Variants in MACROD2 observed in about 807,000 individuals in gnomAD.
The protein encoded by MACROD2 is ADP-ribose glycohydrolase MACROD2.
In MACROD2, 36 loss-of-function variants were observed where a neutral mutation model predicts 70.4. The observed-to-expected ratio is 0.51, with a 90% CI of 0.39 to 0.68. The LOEUF (loss-of-function observed/expected upper bound fraction) is 0.68, where lower values mean the gene tolerates loss of function less well. MACROD2 is among the 30% of genes least tolerant of loss of function. MACROD2 has a pLI of 0.00. For missense variants in MACROD2, 496 were observed against 538.4 expected (o/e 0.92, Z 0.78); for synonymous variants, 172 against 178.8 (o/e 0.96, Z 0.30).
intron 15 of MACROD2, among the ~76,000 whole-genome samples, chr20:16,003,695 G>C (rs2066746922): frequency 6.6e-6 from 1 of 152,128 alleles, no homozygotes. Context: ...TTTAGAGACA[G>C]AGTCTCACTC....
chr20:14,703,508 G>A (rs963152964), intron 5 of MACROD2, among the ~76,000 whole-genome samples: 12 of 152,146 alleles, frequency 7.9e-5, no homozygotes, highest in Non-Finnish European at 1.3e-4. Flanking sequence ...CAAGAGACTT[G>A]GATTTTCTCT....
chr20:15,771,933 C>A (rs1454504346), intron 8 of MACROD2, among the ~76,000 whole-genome samples: 3 of 150,502 alleles, frequency 2.0e-5, no homozygotes, highest in Non-Finnish European at 3.0e-5. Flanking sequence ...AAAATACAAA[C>A]AATTAGCCGG....
intron 8 of MACROD2, among the ~76,000 whole-genome samples, chr20:15,690,479 T>G (rs927049212): frequency 2.6e-5 from 4 of 152,104 alleles, no homozygotes; most frequent in African/African-American, 4.8e-5. Context: ...AAGTTGGCAT[T>G]TGGATATAGG....
At chr20:15,347,599 C>T (rs2078180695) in intron 6 of MACROD2, among the ~76,000 whole-genome samples, 1 of 152,272 alleles carries the variant, frequency 6.6e-6, no homozygotes, top group South Asian at 2.1e-4. Context: ...AAATTGTAAG[C>T]CATTCCTTCA....
intron 3 of MACROD2, among the ~76,000 whole-genome samples, chr20:14,207,422 C>T (rs913022607): frequency 3.3e-5 from 5 of 152,076 alleles, no homozygotes; most frequent in South Asian, 4.2e-4. Context: ...TCTTGACTGA[C>T]GAGGGAAGAA....
intron 3 of MACROD2, among the ~76,000 whole-genome samples, chr20:14,292,293 A>G (rs188290347): frequency 1.3e-4 from 19 of 151,944 alleles, no homozygotes; most frequent in Non-Finnish European, 2.5e-4. Context: ...TCCTTGGGAG[A>G]CACTTACCAA....
At chr20:15,630,093 T>G (rs2049266474) in intron 8 of MACROD2, among the ~76,000 whole-genome samples, 1 of 152,184 alleles carries the variant, frequency 6.6e-6, no homozygotes, top group Non-Finnish European at 1.5e-5. Context: ...CTGCTTTTGA[T>G]GATGACGATA....
intron 9 of MACROD2, among the ~76,000 whole-genome samples, chr20:15,867,469 T>C (rs1220566084): frequency 6.6e-6 from 1 of 152,194 alleles, no homozygotes; most frequent in Non-Finnish European, 1.5e-5. Context: ...TTTATGGAAT[T>C]ATCATACACT....
intron 3 of MACROD2, among the ~76,000 whole-genome samples, chr20:14,297,845 T>C (rs2082440137): frequency 6.6e-6 from 1 of 151,900 alleles, no homozygotes; most frequent in Admixed American, 6.6e-5. Context: ...AGGACTTTCA[T>C]AGAGAGGGGA....
intron 8 of MACROD2, among the ~76,000 whole-genome samples, chr20:15,746,276 AC>A (rs2051181537): frequency 1.3e-5 from 2 of 152,120 alleles, no homozygotes; most frequent in African/African-American, 4.8e-5. Context: ...TTTTGATACT[AC>A]TGTAAATAAT....
chr20:14,814,652 A>C (rs2072752907), intron 5 of MACROD2, among the ~76,000 whole-genome samples: 1 of 152,044 alleles, frequency 6.6e-6, no homozygotes, highest in African/African-American at 2.4e-5. Flanking sequence ...TATAACCATC[A>C]TTTATTCAAT....
intron 5 of MACROD2, among the ~76,000 whole-genome samples, chr20:14,963,355 A>G (rs1476995933): frequency 1.3e-5 from 2 of 152,046 alleles, no homozygotes; most frequent in African/African-American, 2.4e-5. Flanking sequence ...TAATTCTATT[A>G]CTCAGGGGAA....
intron 5 of MACROD2, among the ~76,000 whole-genome samples, chr20:14,814,383 GT>G (rs1317752922): frequency 1.3e-5 from 2 of 151,974 alleles, no homozygotes; most frequent in Non-Finnish European, 2.9e-5. Flanking sequence ...AATGCTTACA[GT>G]TTTTTTAAAA....
At chr20:15,875,193 T>C (rs769513580) in intron 9 of MACROD2, among the ~76,000 whole-genome samples, 13 of 152,272 alleles carry the variant, frequency 8.5e-5, no homozygotes, top group Middle Eastern at 6.8e-3. Flanking sequence ...AATTGTAAGA[T>C]AATAAGTTTG....
At chr20:14,560,206 A>C (rs1979331246) in intron 4 of MACROD2, among the ~76,000 whole-genome samples, 1 of 151,660 alleles carries the variant, frequency 6.6e-6, no homozygotes, top group Non-Finnish European at 1.5e-5. Flanking sequence ...ATTAAAAAGA[A>C]TTTTAAATAT....
At chr20:14,836,225 A>G (rs1695764245) in intron 5 of MACROD2, among the ~76,000 whole-genome samples, 1 of 152,112 alleles carries the variant, frequency 6.6e-6, no homozygotes, top group African/African-American at 2.4e-5. Flanking sequence ...GGAGGCTTTC[A>G]GTTTGCTGTT....
intron 5 of MACROD2, chr20:14,758,190 G>A (rs2022754791): frequency 3.7e-6 from 1 of 272,918 alleles, no homozygotes; most frequent in Non-Finnish European, 7.1e-6. Flanking sequence ...ATTTTCTAGT[G>A]TCTCCTTTGC....
intron 3 of MACROD2, among the ~76,000 whole-genome samples, chr20:14,262,481 AGT>A (rs11467701): frequency 0.02 from 3,093 of 152,340 alleles, 93 homozygotes; most frequent in African/African-American, 0.071. Context: ...TCTACCTGGA[AGT>A]GTCTTGACTA....
chr20:14,944,416 T>C (rs1245546888), intron 5 of MACROD2, among the ~76,000 whole-genome samples: 1 of 152,198 alleles, frequency 6.6e-6, no homozygotes, highest in African/African-American at 2.4e-5. Flanking sequence ...TCTGCAGTCA[T>C]TCTCTAAATT....
Sources: allele counts gnomAD v4.1 joint callset (sites outside exome capture counted in the v4.1 genomes callset), GRCh38; gene constraint gnomAD v4.1.1; transcripts MANE v1.5; gene names NCBI Gene and HGNC (gene_info 2026-07-23, HGNC 2026-07-21).